The following SPIDR variants were observed in gnomAD, a reference collection of about 807,000 sequenced individuals.
SPIDR encodes DNA repair-scaffolding protein.
In SPIDR, 93 loss-of-function variants were observed where a neutral mutation model predicts 104.6. That is an observed-to-expected ratio of 0.89 (90% CI 0.75 to 1.06). The LOEUF is 1.06. Among genes scored for constraint, SPIDR ranks in the 50% least tolerant of loss-of-function variants. SPIDR has a pLI of 0.00. For synonymous variants in SPIDR, 431 were observed against 416.9 expected (o/e 1.03, Z -0.41); for missense variants, 1,154 against 1,111.2 (o/e 1.04, Z -0.55).
intron 5 of SPIDR, among the ~76,000 whole-genome samples, chr8:47,298,939 TC>T (rs2041467580): frequency 6.6e-6 from 1 of 152,210 alleles, no homozygotes; most frequent in Non-Finnish European, 1.5e-5. Flanking sequence ...CAATGCAGGC[TC>T]CTTTTTGGTT....
chr8:47,391,865 G>A (rs1314325891), intron 5 of SPIDR, among the ~76,000 whole-genome samples: 7 of 151,580 alleles, frequency 4.6e-5, no homozygotes, highest in African/African-American at 1.2e-4. Context: ...GCGTAGTGGC[G>A]GGCGCCTGTA....
chr8:47,511,244 G>T, intron 8 of SPIDR: 1 of 1,589,194 alleles, frequency 6.3e-7, no homozygotes, highest in Non-Finnish European at 8.6e-7. Context: ...TCTGCAAGCC[G>T]AATTTGGATG....
intron 5 of SPIDR, among the ~76,000 whole-genome samples, chr8:47,313,716 T>G (rs113231117): frequency 6.6e-6 from 1 of 152,168 alleles, no homozygotes; most frequent in Non-Finnish European, 1.5e-5. Context: ...AAAACAGAGA[T>G]ATAGATCAGT....
At chr8:47,270,390 T>TTTTGTTGGTATG (rs1298230035) in intron 1 of SPIDR, among the ~76,000 whole-genome samples, 3 of 152,158 alleles carry the variant, frequency 2.0e-5, no homozygotes, top group South Asian at 4.1e-4. Context: ...TCATTTTATT[T>TTTTGTTGGTATG]TAGTTATTTA....
intron 1 of SPIDR, among the ~76,000 whole-genome samples, chr8:47,268,332 A>G (rs1264825933): frequency 2.6e-5 from 4 of 152,170 alleles, no homozygotes; most frequent in Non-Finnish European, 4.4e-5. Context: ...TTACATTTCC[A>G]TATGAATAAT....
intron 1 of SPIDR, among the ~76,000 whole-genome samples, chr8:47,271,031 C>G (rs2035206517): frequency 6.6e-6 from 1 of 152,058 alleles, no homozygotes; most frequent in African/African-American, 2.4e-5. Context: ...TTCTGCTGTT[C>G]CTCAGGGTAG....
chr8:47,726,428 T>G (rs1160240522), intron 16 of SPIDR, among the ~76,000 whole-genome samples: 2 of 152,242 alleles, frequency 1.3e-5, no homozygotes, highest in East Asian at 3.8e-4. Flanking sequence ...AAACATCTAA[T>G]TTCACCGCTT....
intron 8 of SPIDR, among the ~76,000 whole-genome samples, chr8:47,536,269 A>G (rs987326434): frequency 6.6e-6 from 1 of 152,128 alleles, no homozygotes; most frequent in Non-Finnish European, 1.5e-5. Context: ...CCTATAAGTT[A>G]TTTCATGGTT....
chr8:47,362,775 G>C (rs1315822445), intron 5 of SPIDR, among the ~76,000 whole-genome samples: 4 of 151,884 alleles, frequency 2.6e-5, no homozygotes, highest in African/African-American at 9.7e-5. Context: ...TCAGCCTCCC[G>C]AGTAGCTGGG....
chr8:47,337,146 G>C (rs1251150530), intron 5 of SPIDR, among the ~76,000 whole-genome samples: 1 of 151,832 alleles, frequency 6.6e-6, no homozygotes, highest in Non-Finnish European at 1.5e-5. Context: ...CTTCTTTTTT[G>C]AGACAGAGTC....
intron 8 of SPIDR, among the ~76,000 whole-genome samples, chr8:47,514,201 G>A (rs1285045724): frequency 6.6e-6 from 1 of 152,144 alleles, no homozygotes; most frequent in African/African-American, 2.4e-5. Flanking sequence ...TCGTTAAATT[G>A]TCTGACTCTG....
intron 10 of SPIDR, among the ~76,000 whole-genome samples, chr8:47,628,848 G>A (rs2066604644): frequency 5.3e-5 from 8 of 152,172 alleles, no homozygotes; most frequent in Admixed American, 5.2e-4. Context: ...CTTGTTTTGG[G>A]ATTAAAGTAT....
intron 5 of SPIDR, among the ~76,000 whole-genome samples, chr8:47,296,048 T>A (rs2040784169): frequency 6.6e-6 from 1 of 152,196 alleles, no homozygotes; most frequent in African/African-American, 2.4e-5. Flanking sequence ...ATGATGAGCA[T>A]TTTAATATAT....
Position 47,451,639 on chromosome 8 carries a change from G to A in SPIDR, c.1097+11097G>A, listed in dbSNP as rs112375747. Reference sequence around the variant, plus strand: ...AAGATTCCACAGAAGATTTGAGGAGGCAGAACACAGGCTCATTGAACTTGA... The same window carrying A: ...AAGATTCCACAGAAGATTTGAGGAGACAGAACACAGGCTCATTGAACTTGA... On this transcript the variant is annotated intron_variant, in intron 8 of 19. Transcript: ENST00000297423. 1.6e-3 allele frequency among the ~76,000 whole-genome samples: 236 copies of A among 151,786 alleles called. 1 individual carries two copies. The highest frequency in any genetic ancestry group is 4.6e-3 in the South Asian group (22 of 4,814).
intron 8 of SPIDR, among the ~76,000 whole-genome samples, chr8:47,554,780 C>A (rs1160191330): frequency 6.6e-6 from 1 of 152,184 alleles, no homozygotes; most frequent in Non-Finnish European, 1.5e-5. Context: ...GTGATATGAA[C>A]CCTGTAACTC....
At chr8:47,708,801 T>G (rs1285515975) in intron 14 of SPIDR, among the ~76,000 whole-genome samples, 3 of 152,196 alleles carry the variant, frequency 2.0e-5, no homozygotes, top group Non-Finnish European at 4.4e-5. Context: ...CTTCTTTCAC[T>G]TAATAATATG....
At chr8:47,298,388 C>G (rs1204886406) in intron 5 of SPIDR, among the ~76,000 whole-genome samples, 3 of 152,024 alleles carry the variant, frequency 2.0e-5, no homozygotes, top group African/African-American at 7.2e-5. Context: ...CAAAAATTTT[C>G]TCCCATTCTT....
chr8:47,503,598 T>A (rs2080942438), intron 8 of SPIDR, among the ~76,000 whole-genome samples: 2 of 152,210 alleles, frequency 1.3e-5, no homozygotes, highest in Admixed American at 1.3e-4. Flanking sequence ...AATTTGCCAG[T>A]CTGTGTCTTT....
chr8:47,357,183 TA>T (rs2054726645), intron 5 of SPIDR, among the ~76,000 whole-genome samples: 1 of 151,376 alleles, frequency 6.6e-6, no homozygotes, highest in East Asian at 1.9e-4. Flanking sequence ...TGGCTAGGCT[TA>T]TAAGAGAACA....
Sources: gnomAD v4.1 joint callset for allele counts (sites outside exome capture counted in the v4.1 genomes callset) on GRCh38, gnomAD v4.1.1 for gene constraint, MANE v1.5 for transcripts, NCBI Gene and HGNC (gene_info 2026-07-23, HGNC 2026-07-21) for gene names.